The following DNAJC11 variants were observed in gnomAD, a reference collection of about 807,000 sequenced individuals.
DNAJC11 encodes the protein DnaJ heat shock protein family (Hsp40) member C11.
Under a neutral mutation model 78.6 loss-of-function variants are expected in DNAJC11, and 15 were observed. The ratio of observed to expected loss-of-function variants is 0.19; its 90% CI spans 0.13 to 0.29. The LOEUF (loss-of-function observed/expected upper bound fraction) is 0.29, where lower values mean the gene tolerates loss of function less well. Among genes scored for constraint, DNAJC11 ranks in the 10% least tolerant of loss-of-function variants. The pLI, the probability that DNAJC11 is intolerant of heterozygous loss-of-function variation, is 1.00. For synonymous variants in DNAJC11, 292 were observed against 272.1 expected (o/e 1.07, Z -0.72); for missense variants, 547 against 709.6 (o/e 0.77, Z 2.60).
At chr1:6,660,876 C>T (rs1291563399) in intron 4 of DNAJC11, among the ~76,000 whole-genome samples, 4 of 152,200 alleles carry the variant, frequency 2.6e-5, no homozygotes, top group African/African-American at 9.7e-5. Context: ...GAGTTACAGC[C>T]TTTCTCCCAC....
At chr1:6,683,571 T>A (rs754776420) in intron 1 of DNAJC11, among the ~76,000 whole-genome samples, 2 of 152,218 alleles carry the variant, frequency 1.3e-5, no homozygotes, top group Non-Finnish European at 2.9e-5. Context: ...ATTGAGATAA[T>A]ACAAGCATGA....
chr1:6,643,436 C>T (rs371723348), intron 10 of DNAJC11, among the ~76,000 whole-genome samples: 11 of 151,626 alleles, frequency 7.3e-5, no homozygotes, highest in East Asian at 2.0e-4. Context: ...CCACCACGCC[C>T]GGTTAATTTT....
rs1641952115 is a variant in DNAJC11, at chr1:6,645,597, C to T, written c.894+192G>A. ...CAAAGCTGCCCCAGGCGCCTGAAGG[C>T]AACTGCATTTCATACTCGAAGGTTC... On this transcript the variant is annotated intron_variant, in intron 8 of 15. Transcript: ENST00000377577. This position sits in a 1 kb window ranked among gnomAD's most constrained non-coding sequence, Gnocchi z 4.1. 2.6e-5 allele frequency among the ~76,000 whole-genome samples: 4 copies of T among 152,350 alleles called. No homozygotes were observed. In the South Asian group the frequency reaches 8.3e-4, roughly 32 times the overall value.
intron 1 of DNAJC11, among the ~76,000 whole-genome samples, chr1:6,700,741 AC>A (rs1642911663): frequency 6.6e-6 from 1 of 152,214 alleles, no homozygotes; most frequent in African/African-American, 2.4e-5. Flanking sequence ...ACTAATATTT[AC>A]TGACAACACA....
chr1:6,694,789 C>T (rs1261593430), intron 1 of DNAJC11, among the ~76,000 whole-genome samples: 1 of 150,342 alleles, frequency 6.7e-6, no homozygotes, highest in East Asian at 1.9e-4. Context: ...CACGGTGAAA[C>T]CCCGTCTCTA....
chr1:6,682,725 C>G (rs2147880073), intron 1 of DNAJC11, among the ~76,000 whole-genome samples: 1 of 152,294 alleles, frequency 6.6e-6, no homozygotes, highest in East Asian at 1.9e-4. Context: ...CCCACAGGTT[C>G]AAGACTAGAC....
chr1:6,637,317 A>G lies in DNAJC11; in HGVS notation c.1405T>C (p.Tyr469His). 6.2e-7 allele frequency: 1 copy of G among 1,614,132 alleles called. No individual in the cohort carries two copies. The highest frequency in any genetic ancestry group is 8.5e-7 in the Non-Finnish European group (1 of 1,180,034). The part of the protein sequence containing the change: ...RMGLIIVNAW[Y>H]GKFVNDKSRK... Reference sequence around the variant, plus strand: ...CTCTTGTCATTGACAAACTTCCCGTACCAGGCATTGACGATGATGAGGCCT... The same window carrying G: ...CTCTTGTCATTGACAAACTTCCCGTGCCAGGCATTGACGATGATGAGGCCT... Residue 469 changes from tyrosine to histidine, a missense_variant, in exon 14 of 16, where the codon TAC becomes CAC. By Grantham distance (83) the Tyr-to-His change is moderately conservative. Coordinates refer to ENST00000377577, the MANE Select transcript of DNAJC11 (RefSeq NM_018198.4).
intron 4 of DNAJC11, among the ~76,000 whole-genome samples, chr1:6,665,150 C>G (rs1642275107): frequency 6.6e-6 from 1 of 152,178 alleles, no homozygotes; most frequent in Non-Finnish European, 1.5e-5. Context: ...TCACTGCAAC[C>G]TTGAACTCCT....
chr1:6,685,585 GC>G (rs1231047231), intron 1 of DNAJC11, among the ~76,000 whole-genome samples: 1 of 152,102 alleles, frequency 6.6e-6, no homozygotes, highest in African/African-American at 2.4e-5. Context: ...CTCTGCCCCA[GC>G]CAATCAGGAC....
intron 7 of DNAJC11, 119 bp downstream of exon 7, chr1:6,651,410 G>A (rs1267329565): frequency 2.2e-5 from 19 of 850,962 alleles, no homozygotes; most frequent in Non-Finnish European, 2.9e-5. Flanking sequence ...CTTGATGTAC[G>A]CAGTGACCTT....
intron 7 of DNAJC11, among the ~76,000 whole-genome samples, chr1:6,648,904 A>T (rs1328017583): frequency 6.6e-6 from 1 of 152,164 alleles, no homozygotes; most frequent in Non-Finnish European, 1.5e-5. Context: ...AGGTGAATCC[A>T]ATTACGTAGA....
chr1:6,669,038 T>C (rs566130351), intron 3 of DNAJC11, among the ~76,000 whole-genome samples: 1 of 148,356 alleles, frequency 6.7e-6, no homozygotes, highest in Non-Finnish European at 1.5e-5. Flanking sequence ...AATACAAAAA[T>C]TAGTCAGATG....
intron 1 of DNAJC11, among the ~76,000 whole-genome samples, chr1:6,696,580 C>T (rs1234795321): frequency 6.6e-6 from 1 of 152,128 alleles, no homozygotes; most frequent in Non-Finnish European, 1.5e-5. Flanking sequence ...GAAACCCCAA[C>T]AACACACAAT....
intron 15 of DNAJC11, 77 bp downstream of exon 15, chr1:6,636,040 G>C (rs1641761052): frequency 6.6e-7 from 1 of 1,517,802 alleles, no homozygotes; most frequent in African/African-American, 1.4e-5. Context: ...GAAGGTGGCT[G>C]GCAGCCCACA....
chr1:6,637,437 A>G lies in DNAJC11; in HGVS notation c.1381+10T>C, dbSNP rs1641798851. 6 of 1,614,070 alleles carry G rather than the reference A, an allele frequency of 3.7e-6. No individual in the cohort carries two copies. The highest frequency in any genetic ancestry group is 5.1e-6 in the Non-Finnish European group (6 of 1,180,034). ...CCCACCCTGGACCAAGAGAGGACAC[A>G]TGTTCTCACCCATTCTGGACTCTTC... On this transcript the variant is annotated intron_variant, in intron 13 of 15. Transcript: ENST00000377577.
Position 6,653,827 on chromosome 1 carries a change from A to T in DNAJC11, c.507+84T>A. 6.5e-7 allele frequency: 1 copy of T among 1,526,838 alleles called. No homozygotes were observed. The highest frequency in any genetic ancestry group is 1.8e-5 in the Admixed American group (1 of 55,050). 94.6% of individuals were successfully genotyped at this position (1,526,838 alleles called of 1,614,324 possible). A position where few individuals can be genotyped will look rare whatever the true frequency, so the allele number is the denominator to read the frequency against. On this transcript the variant is annotated intron_variant, in intron 5 of 15. Coordinates refer to ENST00000377577, the MANE Select transcript of DNAJC11 (RefSeq NM_018198.4). The surrounding 1 kb of genome is among the most constrained non-coding windows in gnomAD (Gnocchi z 4.5). ...AATAAAGATGAGAAAAACCCTGGGCAGACTCTCATTCCAGCTGCTTGGTGT... is the reference window on the plus strand; with the variant it reads ...AATAAAGATGAGAAAAACCCTGGGCTGACTCTCATTCCAGCTGCTTGGTGT...
chr1:6,687,768 T>C (rs568109707), intron 1 of DNAJC11, among the ~76,000 whole-genome samples: 21 of 152,116 alleles, frequency 1.4e-4, no homozygotes, highest in Non-Finnish European at 2.5e-4. Flanking sequence ...AGTCTGGAAA[T>C]ATGGGATTCA....
At chr1:6,643,426 C>T (rs1181111938) in intron 10 of DNAJC11, among the ~76,000 whole-genome samples, 1 of 151,994 alleles carries the variant, frequency 6.6e-6, no homozygotes, top group Non-Finnish European at 1.5e-5. Flanking sequence ...CAGGCGCCCG[C>T]CACCACGCCC....
Position 6,638,287 on chromosome 1 carries a change from G to A in DNAJC11, c.1323+8C>T. 1.9e-6 allele frequency: 3 copies of A among 1,611,550 alleles called. No homozygotes were observed. Among genetic ancestry groups the A allele is most frequent in the Non-Finnish European group, 2.5e-6 (3 of 1,178,320 alleles). On this transcript the variant is annotated splice_region_variant and intron_variant, in intron 12 of 15. Transcript: ENST00000377577. ...GCCCTCGCTTGGGAACGGTGGGGCA[G>A]CACTCACAGCGGACTCCGCCTCTTG...
Sources: gnomAD v4.1 joint callset for allele counts (sites outside exome capture counted in the v4.1 genomes callset) on GRCh38, gnomAD v4.1.1 for gene constraint, Gnocchi (gnomAD v3.1) non-coding constraint, MANE v1.5 for transcripts, NCBI Gene and HGNC (gene_info 2026-07-23, HGNC 2026-07-21) for gene names.